Variants in PSMD7 observed in about 807,000 individuals in gnomAD.
PSMD7 encodes the protein 26S proteasome non-ATPase regulatory subunit 7.
A neutral mutation model predicts 36.4 loss-of-function variants in PSMD7; 13 were observed. The ratio of observed to expected loss-of-function variants is 0.36; its 90% CI spans 0.23 to 0.57. The LOEUF (loss-of-function observed/expected upper bound fraction) is 0.57. Ranked by LOEUF, PSMD7 falls within the 20% of genes least tolerant of loss-of-function variation. The pLI, the probability that PSMD7 is intolerant of heterozygous loss-of-function variation, is 0.83. For missense variants in PSMD7, 298 were observed against 393.6 expected (o/e 0.76, Z 2.06); for synonymous variants, 186 against 151.0 (o/e 1.23, Z -1.70).
intron 1 of PSMD7, among the ~76,000 whole-genome samples, chr16:74,298,156 CAAAA>C (rs75614540): frequency 1.5e-4 from 11 of 72,750 alleles, no homozygotes; most frequent in African/African-American, 1.8e-4. Flanking sequence ...ACCCTGTCTC[CAAAA>C]AAAAAAAAAA....
In PSMD7 at chr16:74,300,203, G is replaced by A; in HGVS notation, c.163G>A (p.Ala55Thr). 6.2e-7 allele frequency: 1 copy of A among 1,612,452 alleles called. No individual in the cohort carries two copies. Among genetic ancestry groups the A allele is most frequent in the Non-Finnish European group, 8.5e-7 (1 of 1,178,448 alleles). The change falls in exon 2 of 7, where the codon GCA becomes ACA. Residue 55 changes from alanine to threonine, a missense_variant. Transcript: ENST00000219313. ...AGTACTTGATGTATCGAACAGTTTTGCAGGTAAAAGACAAATTTTATGTTT... is the reference window on the plus strand; with the variant it reads ...AGTACTTGATGTATCGAACAGTTTTACAGGTAAAAGACAAATTTTATGTTT... ...KKVLDVSNSF[A>T]VPFDEDDKDD...
chr16:74,300,977 T>G, intron 2 of PSMD7, 75 bp from the exon 3 acceptor site: 1 of 913,178 alleles, frequency 1.1e-6, no homozygotes, highest in Non-Finnish European at 1.8e-6. Flanking sequence ...AGAACTGGCC[T>G]AGGGGTCTTC....
In PSMD7 at chr16:74,296,830, G is replaced by GGCCTGA. The variant is rs2034115477; in HGVS notation, c.-84_-79dup. 4.2e-6 allele frequency: 6 copies of GGCCTGA among 1,426,238 alleles called. No individual in the cohort carries two copies. Among genetic ancestry groups the GGCCTGA allele is most frequent in the Non-Finnish European group, 2.9e-6 (3 of 1,024,052 alleles). The allele number at this position is 1,426,238 out of a possible 1,614,324, so 88.3% of individuals were successfully genotyped here. On this transcript the variant is annotated 5_prime_UTR_variant, in exon 1 of 7. Transcript: ENST00000219313. ...TGACGAACCGGAAGAAGAGGAACTGGGCCTGAAAGGGTACCGGTGACCGCT... is the reference window on the plus strand; with the variant it reads ...TGACGAACCGGAAGAAGAGGAACTGGGCCTGAGCCTGAAAGGGTACCGGTGACCGCT...
At chr16:74,297,514 G>A (rs1007253740) in intron 1 of PSMD7, among the ~76,000 whole-genome samples, 4 of 150,842 alleles carry the variant, frequency 2.7e-5, no homozygotes, top group African/African-American at 9.8e-5. Flanking sequence ...AGTGACTGAT[G>A]TCTGGATGAT....
At chr16:74,301,176 T>C (rs748827639) in intron 3 of PSMD7, 32 bp downstream of exon 3, 4 of 1,486,402 alleles carry the variant, frequency 2.7e-6, no homozygotes, top group Non-Finnish European at 3.7e-6. Context: ...TGTTACAGCA[T>C]AGAATTGAAC....
rs1050882549 is a variant in PSMD7, at chr16:74,306,143, T to C, written c.*410T>C. Reference sequence around the variant, plus strand: ...GCATGAATTGCATTATGTTCTCTGGTAACACGTAGAGTTCAGACCCTTCTG... The same window carrying C: ...GCATGAATTGCATTATGTTCTCTGGCAACACGTAGAGTTCAGACCCTTCTG... On this transcript the variant is annotated 3_prime_UTR_variant, in exon 7 of 7. Coordinates refer to ENST00000219313, the MANE Select transcript of PSMD7 (RefSeq NM_002811.5). 2.6e-5 allele frequency: 4 copies of C among 156,050 alleles called. No homozygotes were observed. Among genetic ancestry groups the C allele is most frequent in the Admixed American group, 6.4e-5 (1 of 15,642 alleles). 9.7% of individuals were successfully genotyped at this position (156,050 alleles called of 1,614,324 possible). A position where few individuals can be genotyped will look rare whatever the true frequency, so the allele number is the denominator to read the frequency against.
At chr16:74,301,676 C>A in intron 4 of PSMD7, 24 bp downstream of exon 4, 1 of 1,580,872 alleles carries the variant, frequency 6.3e-7, no homozygotes, top group Non-Finnish European at 8.7e-7. Context: ...ATTTTTAAAA[C>A]TCTTGAATGA....
chr16:74,302,176 C>T lies in PSMD7; in HGVS notation c.358-36C>T, dbSNP rs535328774. On this transcript the variant is annotated intron_variant, in intron 4 of 6. Coordinates refer to ENST00000219313, the MANE Select transcript of PSMD7 (RefSeq NM_002811.5). The stretch of plus-strand genomic sequence containing the variant: ...CTGAAATTACCCCTTTTGTGCTGGG[C>T]GTGAGATGACTTGCTAAGATGTGTT... 1.2e-4 allele frequency: 188 copies of T among 1,551,516 alleles called. 5 individuals are homozygous for T. The South Asian group carries it at 2.1e-3, about 17-fold the overall frequency.
rs746453875 is a variant in PSMD7 at position 74,305,556 on chromosome 16, C to G, written c.798C>G (p.Ile266Met). ...TGGTAGTGTACTTGGCCTCGCTGAT[C>G]CGTTCCGTGGTCGCCCTGCACAACC... ...QMVVVYLASL[I>M]RSVVALHNLI... Residue 266 changes from isoleucine to methionine, a missense_variant, in exon 7 of 7, where the codon ATC becomes ATG. Coordinates refer to ENST00000219313, the MANE Select transcript of PSMD7 (RefSeq NM_002811.5). 6.2e-7 allele frequency: 1 copy of G among 1,613,588 alleles called. No individual in the cohort carries two copies. Among genetic ancestry groups the G allele is most frequent in the Non-Finnish European group, 8.5e-7 (1 of 1,179,566 alleles).
At chr16:74,305,261 T>C in intron 6 of PSMD7, 28 bp from the exon 7 acceptor site, 3 of 1,577,956 alleles carry the variant, frequency 1.9e-6, no homozygotes, top group Non-Finnish European at 1.7e-6. Context: ...TGCCTTTTCC[T>C]GCCCTTTTTA....
chr16:74,299,514 T>G (rs2034139399), intron 1 of PSMD7: 3 of 452,334 alleles, frequency 6.6e-6, no homozygotes, highest in African/African-American at 2.0e-5. Flanking sequence ...CAGCCCCAAG[T>G]AGCTGAGACT....
At chr16:74,305,226 C>A in intron 6 of PSMD7, 63 bp from the exon 7 acceptor site, 1 of 1,498,178 alleles carries the variant, frequency 6.7e-7, no homozygotes, top group Non-Finnish European at 8.9e-7. Context: ...AATGTAAGAA[C>A]TTGCCTGATA....
At position 74,305,704 on chromosome 16, in the gene PSMD7, AAGAAAGAGG is replaced by A; in HGVS notation, c.952_960del (p.Glu318_Lys320del). On this transcript the variant is annotated inframe_deletion, in exon 7 of 7. Transcript: ENST00000219313. ...TAAAGATAAGGAAAAGAGTGATGTA[AAGAAAGAGG>A]AGAAAAAGGAGAAAAAGTAAAACAT... 4 of 1,461,622 alleles carry A rather than the reference AAGAAAGAGG, an allele frequency of 2.7e-6. No homozygotes were observed. In the South Asian group the frequency reaches 4.6e-5, roughly 17 times the overall value. 90.5% of individuals were successfully genotyped at this position (1,461,622 alleles called of 1,614,324 possible). A position where few individuals can be genotyped will look rare whatever the true frequency, so the allele number is the denominator to read the frequency against.
Position 74,301,162 on chromosome 16 carries a change from A to T in PSMD7, c.259+18A>T, listed in dbSNP as rs376081054. The T allele has an allele frequency of 2.6e-6, 4 of 1,540,060 alleles. No homozygotes were observed. The highest frequency in any genetic ancestry group is 2.7e-5 in the African/African-American group (2 of 73,792). ...AGTCAATGGTATGTCTTGATGTTCT[A>T]AGGTGTTACAGCATAGAATTGAACT... is the stretch of plus-strand genomic sequence containing the variant. On this transcript the variant is annotated intron_variant, in intron 3 of 6. Transcript: ENST00000219313.
At chr16:74,304,232 G>C in intron 5 of PSMD7, 71 bp from the exon 6 acceptor site, 2 of 1,352,858 alleles carry the variant, frequency 1.5e-6, no homozygotes, top group Non-Finnish European at 2.1e-6. Context: ...AAAAGACTCA[G>C]GGTGCGAAAA....
chr16:74,300,470 G>A, intron 2 of PSMD7: 1 of 468,524 alleles, frequency 2.1e-6, no homozygotes, highest in East Asian at 3.7e-5. Flanking sequence ...ACAAACAAAA[G>A]TGGCAGTATT....
chr16:74,298,032 C>T (rs1338044835), intron 1 of PSMD7, among the ~76,000 whole-genome samples: 1 of 151,968 alleles, frequency 6.6e-6, no homozygotes, highest in Non-Finnish European at 1.5e-5. Flanking sequence ...GTGGCTCACG[C>T]CTGTAATCCC....
At chr16:74,299,914 C>T (rs749490729) in intron 1 of PSMD7, among the ~76,000 whole-genome samples, 4 of 152,148 alleles carry the variant, frequency 2.6e-5, no homozygotes, top group Non-Finnish European at 5.9e-5. Flanking sequence ...GTAAAAACTG[C>T]CAGTGGGTGT....
chr16:74,306,013 G>A lies in PSMD7; in HGVS notation c.*280G>A. 1 of 269,600 alleles carries A rather than the reference G, an allele frequency of 3.7e-6. No individual in the cohort carries two copies. Among genetic ancestry groups the A allele is most frequent in the Non-Finnish European group, 6.9e-6 (1 of 145,132 alleles). The allele number at this position is 269,600 out of a possible 1,614,324, so 16.7% of individuals were successfully genotyped here. A position where few individuals can be genotyped will look rare whatever the true frequency, so the allele number is the denominator to read the frequency against. On this transcript the variant is annotated 3_prime_UTR_variant, in exon 7 of 7. Transcript: ENST00000219313. Reference sequence around the variant, plus strand: ...ATGAAGAGAAGTCAACAAATATTTTGGTACTCTTCATTCATTTATCTCTAA... The same window carrying A: ...ATGAAGAGAAGTCAACAAATATTTTAGTACTCTTCATTCATTTATCTCTAA...
Sources: gnomAD v4.1 joint callset for allele counts (sites outside exome capture counted in the v4.1 genomes callset) on GRCh38, gnomAD v4.1.1 for gene constraint, MANE v1.5 for transcripts, NCBI Gene and HGNC (gene_info 2026-07-23, HGNC 2026-07-21) for gene names.